The following VN1R1 variants were observed in gnomAD, a reference collection of about 807,000 sequenced individuals.
VN1R1 encodes vomeronasal type-1 receptor 1.
For synonymous variants in VN1R1, 168 were observed against 149.8 expected (o/e 1.12, Z -0.89); for missense variants, 391 against 410.3 (o/e 0.95, Z 0.41).
Position 57,456,488 on chromosome 19 carries a change from T to A in VN1R1, c.-2A>T. On this transcript the variant is annotated 5_prime_UTR_variant, in exon 1 of 1. Transcript: ENST00000321039. ...AAGTTTTAATGTGTCTCCAACCATA[T>A]TTTCTCATCTTAAACAGAAATTAAG... 6.5e-7 allele frequency: 1 copy of A among 1,547,102 alleles called. No individual in the cohort carries two copies. Among genetic ancestry groups the A allele is most frequent in the Non-Finnish European group, 8.7e-7 (1 of 1,148,444 alleles).
chr19:57,456,149 T>C lies in VN1R1; in HGVS notation c.338A>G (p.Lys113Arg), dbSNP rs1326820343. ...IPQTMAAFGL[K>R]YLLNDTGCKF... The stretch of plus-strand genomic sequence containing the variant: ...ACATCCAGTGTCATTCAGCAAATAT[T>C]TCAATCCAAAAGCTGCCATTGTCTG... Residue 113 changes from lysine (K) to arginine (R), a missense_variant, in exon 1 of 1, where the codon AAA (lysine) becomes AGA (arginine). Coordinates refer to ENST00000321039, the MANE Select transcript of VN1R1 (RefSeq NM_020633.4). 1 of 1,614,208 alleles carries C rather than the reference T, an allele frequency of 6.2e-7. No individual in the cohort carries two copies.
chr19:57,455,295 T>G lies in VN1R1; in HGVS notation c.*130A>C. 2 of 814,570 alleles carry G rather than the reference T, an allele frequency of 2.5e-6. No individual in the cohort carries two copies. The highest frequency in any genetic ancestry group is 1.8e-5 in the South Asian group (1 of 54,520). The allele number at this position is 814,570 out of a possible 1,614,324, so 50.5% of individuals were successfully genotyped here. On this transcript the variant is annotated 3_prime_UTR_variant, in exon 1 of 1. Coordinates refer to ENST00000321039, the MANE Select transcript of VN1R1 (RefSeq NM_020633.4). Reference sequence around the variant, plus strand: ...CCATGACTTTCATTTTTAGCTCTGGTATTAGATCTTCCTGGACAAGAGCAT... The same window carrying G: ...CCATGACTTTCATTTTTAGCTCTGGGATTAGATCTTCCTGGACAAGAGCAT...
In VN1R1 at chr19:57,456,055, T is replaced by C; in HGVS notation, c.432A>G (p.Gly144=). The C allele has an allele frequency of 6.2e-7, 1 of 1,614,178 alleles. No individual in the cohort carries two copies. Among genetic ancestry groups the C allele is most frequent in the Non-Finnish European group, 8.5e-7 (1 of 1,180,024 alleles). The change falls in exon 1 of 1, where the codon GGA becomes GGG. Residue 144 remains glycine (G), a synonymous_variant. Transcript: ENST00000321039. ...TGGGGTTGAGCTTAATGGCTTGGAA[T>C]CCATTGAGAAGGCAGATGGTGCTGA... ...VSLSTICLLN[G]FQAIKLNPSI...
Position 57,456,383 on chromosome 19 carries a change from G to A in VN1R1, c.104C>T (p.Pro35Leu), listed in dbSNP as rs762923212. 6.2e-7 allele frequency: 1 copy of A among 1,613,518 alleles called. No homozygotes were observed. Among genetic ancestry groups the A allele is most frequent in the Non-Finnish European group, 8.5e-7 (1 of 1,179,578 alleles). ...AAAAGCCATTTCATCAAAATCTAGG[G>A]GATGTTGATTTTCATTGAGGTCTGA... ...DSSDLNENQH[P>L]LDFDEMAFGK... Residue 35 changes from proline (P) to leucine (L), a missense_variant, in exon 1 of 1, where the codon CCC (proline) becomes CTC (leucine). Pro to Leu is a moderately conservative substitution (Grantham distance 98). Transcript: ENST00000321039.
In VN1R1 at chr19:57,456,526, C is replaced by A; in HGVS notation, c.-40G>T. 6.7e-7 allele frequency: 1 copy of A among 1,490,588 alleles called. No homozygotes were observed. Among genetic ancestry groups the A allele is most frequent in the South Asian group, 1.4e-5 (1 of 72,404 alleles). The allele number at this position is 1,490,588 out of a possible 1,614,324, so 92.3% of individuals were successfully genotyped here. A position where few individuals can be genotyped will look rare whatever the true frequency, so the allele number is the denominator to read the frequency against. ...AACAGAAATTAAGATTGTCCCTGTT[C>A]GTGCAAAGGCAATTGCTTGTGTGTC... On this transcript the variant is annotated 5_prime_UTR_variant, in exon 1 of 1. It introduces an in-frame stop codon into an upstream open reading frame of the 5' UTR. Transcript: ENST00000321039.
At chr19:57,455,878 G>GT in the VN1R1 span, 1 of 1,614,152 alleles carries the variant, frequency 6.2e-7, no homozygotes, top group Non-Finnish European at 8.5e-7. Context: ...ATCCATAATT[G>GT]TTTTTTGCAC....
Position 57,456,628 on chromosome 19 carries a change from G to A in VN1R1, c.-142C>T. The A allele has an allele frequency of 3.3e-6, 2 of 605,324 alleles. No individual in the cohort carries two copies. Among genetic ancestry groups the A allele is most frequent in the South Asian group, 2.9e-5 (1 of 33,976 alleles). The allele number at this position is 605,324 out of a possible 1,614,324, so 37.5% of individuals were successfully genotyped here. A position where few individuals can be genotyped will look rare whatever the true frequency, so the allele number is the denominator to read the frequency against. ...CACAAATCAAACCTATAAAACTCAG[G>A]GCTTACACACATGCAACAAGTAAAT... is the stretch of plus-strand genomic sequence containing the variant. On this transcript the variant is annotated 5_prime_UTR_variant, in exon 1 of 1. Transcript: ENST00000321039.
Position 57,456,361 on chromosome 19 carries a change from A to C in VN1R1, c.126T>G (p.Ala42=). 6.2e-7 allele frequency: 1 copy of C among 1,613,998 alleles called. No homozygotes were observed. Residue 42 remains alanine, a synonymous_variant, in exon 1 of 1, where the codon GCT becomes GCG. Coordinates refer to ENST00000321039, the MANE Select transcript of VN1R1 (RefSeq NM_020633.4). ...NQHPLDFDEM[A]FGKVKSGISF... ...TAATCCCTGATTTTACTTTTCCAAA[A>C]GCCATTTCATCAAAATCTAGGGGAT...
rs780239197 is a variant in VN1R1, at chr19:57,456,188, A to C, written c.299T>G (p.Phe100Cys). 4.3e-6 allele frequency: 7 copies of C among 1,614,226 alleles called. No homozygotes were observed. Among genetic ancestry groups the C allele is most frequent in the African/African-American group, 4.0e-5 (3 of 75,044 alleles). ...LALANSMVLF[F>C]KGIPQTMAAF... ...TGCCATTGTCTGAGGTATCCCTTTAAAGAAAAGGACCATGGAGTTAGCCAA... is the reference window on the plus strand; with the variant it reads ...TGCCATTGTCTGAGGTATCCCTTTACAGAAAAGGACCATGGAGTTAGCCAA... Residue 100 changes from phenylalanine (F) to cysteine (C), a missense_variant, in exon 1 of 1, where the codon TTT (phenylalanine) becomes TGT (cysteine). Physicochemically the swap from Phe to Cys is radical, Grantham distance 205. Coordinates refer to ENST00000321039, the MANE Select transcript of VN1R1 (RefSeq NM_020633.4).
At chr19:57,456,022 G>T in the VN1R1 span, 2 of 1,614,182 alleles carry the variant, frequency 1.2e-6, no homozygotes, top group Non-Finnish European at 1.7e-6. Context: ...CCATCCACCT[G>T]CATATACTGG....
At position 57,455,991 on chromosome 19, in the gene VN1R1, T is replaced by C. The variant is rs775731855; in HGVS notation, c.496A>G (p.Arg166Gly). 1 of 1,614,176 alleles carries C rather than the reference T, an allele frequency of 6.2e-7. No homozygotes were observed. The change falls in exon 1 of 1, where the codon AGG becomes GGG. Residue 166 changes from arginine (R) to glycine (G), a missense_variant. Transcript: ENST00000321039. ...AGGAGACAACAGAAGTCAATAAACC[T>C]TGGGGATCTAATCTTGATCTCCATC... is the stretch of plus-strand genomic sequence containing the variant. ...RWMEIKIRSP[R>G]FIDFCCLLCW... is the part of the protein sequence containing the mutation.
At position 57,455,701 on chromosome 19, in the gene VN1R1, G is replaced by C. The variant is rs1568551941; in HGVS notation, c.786C>G (p.Ser262=). 6.2e-7 allele frequency: 1 copy of C among 1,614,216 alleles called. No homozygotes were observed. Among genetic ancestry groups the C allele is most frequent in the African/African-American group, 1.3e-5 (1 of 75,058 alleles). Residue 262 remains serine (S), a synonymous_variant, in exon 1 of 1, where the codon TCC becomes TCG. Transcript: ENST00000321039. ...QVQHNHSNRL[S]CRPSQEARAT... The stretch of plus-strand genomic sequence containing the variant: ...CTCTGGCTTCCTGGGAAGGTCTGCA[G>C]GAGAGTCTGTTGCTGTGATTGTGTT...
Position 57,455,410 on chromosome 19 carries a change from A to C in VN1R1, c.*15T>G. Reference sequence around the variant, plus strand: ...GAGTTATGATAAATAGCTGAATTCCATGAAGAGAAAAGACTCATGGCATGA... The same window carrying C: ...GAGTTATGATAAATAGCTGAATTCCCTGAAGAGAAAAGACTCATGGCATGA... On this transcript the variant is annotated 3_prime_UTR_variant, in exon 1 of 1. Coordinates refer to ENST00000321039, the MANE Select transcript of VN1R1 (RefSeq NM_020633.4). 1 of 1,587,278 alleles carries C rather than the reference A, an allele frequency of 6.3e-7. No homozygotes were observed. Among genetic ancestry groups the C allele is most frequent in the Non-Finnish European group, 8.6e-7 (1 of 1,168,340 alleles).
rs370073474 is a variant in VN1R1, at chr19:57,455,355, T to C, written c.*70A>G. On this transcript the variant is annotated 3_prime_UTR_variant, in exon 1 of 1. Coordinates refer to ENST00000321039, the MANE Select transcript of VN1R1 (RefSeq NM_020633.4). ...TGTGTATGTTGCTATCACAAATAAC[T>C]AGTAGTTAATATTTCCTAAATCTTA... 343 of 1,379,802 alleles carry C rather than the reference T, an allele frequency of 2.5e-4. 1 individual carries two copies. The African/African-American group carries it at 4.3e-3, about 17-fold the overall frequency. The allele number at this position is 1,379,802 out of a possible 1,614,324, so 85.5% of individuals were successfully genotyped here. A position where few individuals can be genotyped will look rare whatever the true frequency, so the allele number is the denominator to read the frequency against.
Position 57,455,433 on chromosome 19 carries a change from T to A in VN1R1, c.1054A>T (p.Met352Leu), listed in dbSNP as rs2089124789. 6.2e-7 allele frequency: 1 copy of A among 1,609,316 alleles called. No individual in the cohort carries two copies. ...RKTLFPNLVV[M>L]P ...CCATGAAGAGAAAAGACTCATGGCA[T>A]GACAACCAGATTAGGAAAGAGTGTT... The change falls in exon 1 of 1, where the codon ATG becomes TTG. Residue 352 changes from methionine to leucine, a missense_variant. By Grantham distance (15) the Met-to-Leu change is conservative (BLOSUM62 2). Coordinates refer to ENST00000321039, the MANE Select transcript of VN1R1 (RefSeq NM_020633.4).
In VN1R1 at chr19:57,456,479, C is replaced by T. The variant is rs1290744657; in HGVS notation, c.8G>A (p.Gly3Glu). The T allele has an allele frequency of 6.4e-7, 1 of 1,558,308 alleles. No individual in the cohort carries two copies. The highest frequency in any genetic ancestry group is 1.4e-5 in the African/African-American group (1 of 72,586). MV[G>E]DTLKLLSPLM... ...TGGAGACAGAAGTTTTAATGTGTCT[C>T]CAACCATATTTTCTCATCTTAAACA... Residue 3 changes from glycine to glutamate, a missense_variant, in exon 1 of 1, where the codon GGA (glycine) becomes GAA (glutamate). Coordinates refer to ENST00000321039, the MANE Select transcript of VN1R1 (RefSeq NM_020633.4).
At position 57,455,542 on chromosome 19, in the gene VN1R1, T is replaced by C; in HGVS notation, c.945A>G (p.Ser315=). ...WIVTNSVLVA[S]CFPARSPFVL... ...CAAAAGGGCTGCGTGCTGGGAAACA[T>C]GAGGCGACCAACACAGAGTTGGTCA... The change falls in exon 1 of 1, where the codon TCA becomes TCG. Residue 315 remains serine, a synonymous_variant. Transcript: ENST00000321039. 1.9e-6 allele frequency: 3 copies of C among 1,614,120 alleles called. No individual in the cohort carries two copies. The highest frequency in any genetic ancestry group is 2.5e-6 in the Non-Finnish European group (3 of 1,180,020).
chr19:57,456,029 C>G lies in VN1R1; in HGVS notation c.458G>C (p.Ser153Thr), dbSNP rs1280817399. ...NGFQAIKLNP[S>T]ICRWMEIKIR... Reference sequence around the variant, plus strand: ...CTTGATCTCCATCCACCTGCATATACTGGGGTTGAGCTTAATGGCTTGGAA... The same window carrying G: ...CTTGATCTCCATCCACCTGCATATAGTGGGGTTGAGCTTAATGGCTTGGAA... The change falls in exon 1 of 1, where the codon AGT becomes ACT. Residue 153 changes from serine (S) to threonine (T), a missense_variant. By Grantham distance (58) the Ser-to-Thr change is moderately conservative. Transcript: ENST00000321039. 6.2e-7 allele frequency: 1 copy of G among 1,614,162 alleles called. No individual in the cohort carries two copies. The highest frequency in any genetic ancestry group is 8.5e-7 in the Non-Finnish European group (1 of 1,180,040).
rs757564159 is a variant in VN1R1 at position 57,455,756 on chromosome 19, AAGACCATGGAGCCACTGGCCC to A, written c.710_730del (p.Trp237_Val243del). 57 of 1,614,116 alleles carry A rather than the reference AAGACCATGGAGCCACTGGCCC, an allele frequency of 3.5e-5. No homozygotes were observed. The highest frequency in any genetic ancestry group is 1.2e-4 in the African/African-American group (9 of 74,940). Reference sequence around the variant, plus strand: ...TTGCTGCTTGTGTCTGTAGAGGAAGAAGACCATGGAGCCACTGGCCCAGACCATGAAGCCCAAACTCATAAA... The same window carrying A: ...TTGCTGCTTGTGTCTGTAGAGGAAGAAGACCATGAAGCCCAAACTCATAAA... On this transcript the variant is annotated inframe_deletion, in exon 1 of 1. Transcript: ENST00000321039.
Sources: allele counts gnomAD v4.1 joint callset, GRCh38; gene constraint gnomAD v4.1.1; transcripts MANE v1.5; gene names NCBI Gene and HGNC (gene_info 2026-07-23, HGNC 2026-07-21).